C4orf51: variants seen among roughly 807,000 people sequenced by gnomAD.
C4orf51 encodes uncharacterized protein C4orf51.
C4orf51 carries 25 observed loss-of-function variants against 25.2 expected under a neutral mutation model. That is an observed-to-expected ratio of 0.99 (90% CI 0.72 to 1.39). The LOEUF is 1.39. C4orf51 is among the 40% of genes most tolerant of loss of function. The probability of loss-of-function intolerance (pLI) is 0.00; values close to 1 mark genes in which losing one functional copy is unlikely to be tolerated. For missense variants in C4orf51, 252 were observed against 239.6 expected (o/e 1.05, Z -0.34); for synonymous variants, 100 against 84.5 (o/e 1.18, Z -1.01).
chr4:145,755,428 AGAACTAAT>A (rs1252685232), downstream of C4orf51, among the ~76,000 whole-genome samples: 1 of 152,266 alleles, frequency 6.6e-6, no homozygotes, highest in Admixed American at 6.5e-5. Flanking sequence ...CTGAAAACCA[AGAACTAAT>A]GAACTAATAC....
intron 1 of C4orf51, among the ~76,000 whole-genome samples, chr4:145,770,282 G>A (rs1169679187): frequency 6.6e-6 from 1 of 151,544 alleles, no homozygotes; most frequent in Admixed American, 6.6e-5. Flanking sequence ...CTCGGCAACA[G>A]AGTGAGACCC....
Position 145,761,517 on chromosome 4 carries a change from C to T in C4orf51, n.167-9471C>T. 7.8e-7 allele frequency: 1 copy of T among 1,289,732 alleles called. No individual in the cohort carries two copies. The highest frequency in any genetic ancestry group is 1.2e-5 in the South Asian group (1 of 80,998). The allele number at this position is 1,289,732 out of a possible 1,614,324, so 79.9% of individuals were successfully genotyped here. Reference sequence around the variant, plus strand: ...CCTTCACCGTCTGGCAGATCCGGCACTTGTACTCCATCTTGTAGTGGGTCT... The same window carrying T: ...CCTTCACCGTCTGGCAGATCCGGCATTTGTACTCCATCTTGTAGTGGGTCT... On this transcript the variant is annotated intron_variant and non_coding_transcript_variant, in intron 1 of 1. Transcript: ENST00000510096. The surrounding 1 kb of genome is among the most constrained non-coding windows in gnomAD (Gnocchi z 6.8).
chr4:145,750,186 G>GT (rs569347805), intron 1 of C4orf51, among the ~76,000 whole-genome samples: 13 of 151,536 alleles, frequency 8.6e-5, no homozygotes, highest in African/African-American at 1.7e-4. Context: ...ATAATATGCT[G>GT]TTTTTTTTCT....
downstream of C4orf51, among the ~76,000 whole-genome samples, chr4:145,755,723 G>A (rs1053048181): frequency 7.2e-5 from 11 of 152,194 alleles, no homozygotes; most frequent in African/African-American, 2.4e-4. Flanking sequence ...ACAGGCATTT[G>A]CCTGCTTAGT....
chr4:145,760,708 T>A, intron 1 of C4orf51: 3 of 1,034,868 alleles, frequency 2.9e-6, no homozygotes, highest in Non-Finnish European at 3.5e-6. Flanking sequence ...GGGGTTGTGT[T>A]TAAGTTTTGT....
chr4:145,688,873 ACT>A (rs1176095799), intron 1 of C4orf51, among the ~76,000 whole-genome samples: 4 of 144,854 alleles, frequency 2.8e-5, no homozygotes, highest in African/African-American at 1.0e-4. Context: ...TAGCTGAGAC[ACT>A]CTCAAAATAA....
intron 5 of C4orf51, 22 bp from the exon 6 acceptor site, chr4:145,732,431 C>T (rs1732526346): frequency 1.9e-6 from 3 of 1,541,386 alleles, no homozygotes; most frequent in Non-Finnish European, 2.7e-6. Flanking sequence ...CGAGTGTTGA[C>T]AACCAGGCCA....
At chr4:145,695,695 T>C (rs527603342) in intron 1 of C4orf51, among the ~76,000 whole-genome samples, 61 of 152,312 alleles carry the variant, frequency 4.0e-4, no homozygotes, top group African/African-American at 1.4e-3. Context: ...CATTCCACCA[T>C]AGAGACACAT....
intron 1 of C4orf51, among the ~76,000 whole-genome samples, chr4:145,689,284 T>C (rs1729376195): frequency 6.6e-6 from 1 of 152,118 alleles, no homozygotes; most frequent in Non-Finnish European, 1.5e-5. Context: ...TGAGTTACCT[T>C]AAAATTAAGT....
the C4orf51 span, among the ~76,000 whole-genome samples, chr4:145,780,427 C>T: frequency 6.6e-6 from 1 of 152,168 alleles, no homozygotes; most frequent in African/African-American, 2.4e-5. Flanking sequence ...CAAGAATGAA[C>T]CAGAATTTCC....
chr4:145,716,467 A>G (rs1027946017), intron 2 of C4orf51, among the ~76,000 whole-genome samples: 2 of 152,254 alleles, frequency 1.3e-5, no homozygotes, highest in Non-Finnish European at 2.9e-5. Context: ...CAACAACTGC[A>G]CACTATGGAA....
chr4:145,680,194 G>C lies in C4orf51; in HGVS notation c.-10G>C. 1 of 1,590,742 alleles carries C rather than the reference G, an allele frequency of 6.3e-7. No individual in the cohort carries two copies. Among genetic ancestry groups the C allele is most frequent in the African/African-American group, 1.3e-5 (1 of 74,480 alleles). On this transcript the variant is annotated 5_prime_UTR_variant, in exon 1 of 6. Coordinates refer to ENST00000438731, the MANE Select transcript of C4orf51 (RefSeq NM_001080531.3). ...TGACAAGTTGTTTTCCAGAGAGGCCGTTCGTAGTTATGTCACACTACTTCT... is the reference window on the plus strand; with the variant it reads ...TGACAAGTTGTTTTCCAGAGAGGCCCTTCGTAGTTATGTCACACTACTTCT...
intron 2 of C4orf51, among the ~76,000 whole-genome samples, chr4:145,700,772 C>T (rs1376537589): frequency 6.6e-6 from 1 of 152,072 alleles, no homozygotes; most frequent in South Asian, 2.1e-4. Flanking sequence ...TCTACAGACC[C>T]ATCTGACCTC....
intron 4 of C4orf51, among the ~76,000 whole-genome samples, chr4:145,729,588 A>T (rs937778609): frequency 6.6e-6 from 1 of 152,180 alleles, no homozygotes; most frequent in Non-Finnish European, 1.5e-5. Context: ...GGCGTGAGCC[A>T]CCATGCCCGG....
chr4:145,694,069 T>G, intron 1 of C4orf51, among the ~76,000 whole-genome samples: 1 of 118,408 alleles, frequency 8.4e-6, no homozygotes, highest in Non-Finnish European at 1.8e-5. Context: ...CCAGACGGGG[T>G]CTCGGCCGGG....
At position 145,696,408 on chromosome 4, in the gene C4orf51, T is replaced by C. The variant is rs1730055459; in HGVS notation, c.234-151T>C. 7.5e-6 allele frequency: 5 copies of C among 668,818 alleles called. No homozygotes were observed. The East Asian group carries it at 1.4e-4, about 18-fold the overall frequency. The allele number at this position is 668,818 out of a possible 1,614,324, so 41.4% of individuals were successfully genotyped here. A position where few individuals can be genotyped will look rare whatever the true frequency, so the allele number is the denominator to read the frequency against. On this transcript the variant is annotated intron_variant, in intron 1 of 5. Coordinates refer to ENST00000438731, the MANE Select transcript of C4orf51 (RefSeq NM_001080531.3). ...GTACAACAAACCCCCGTTACACGAGTTTATCTAAATAACAAACCTTCACAT... is the reference window on the plus strand; with the variant it reads ...GTACAACAAACCCCCGTTACACGAGCTTATCTAAATAACAAACCTTCACAT...
rs1031767307 is a variant in C4orf51, at chr4:145,761,858, G to C, written n.167-9130G>C. Among the ~76,000 whole-genome samples the C allele has an allele frequency of 6.6e-6, 1 of 152,224 alleles. No individual in the cohort carries two copies. The highest frequency in any genetic ancestry group is 1.5e-5 in the Non-Finnish European group (1 of 68,046). On this transcript the variant is annotated intron_variant and non_coding_transcript_variant, in intron 1 of 1. Coordinates refer to the C4orf51 transcript ENST00000510096. The surrounding 1 kb of genome is among the most constrained non-coding windows in gnomAD (Gnocchi z 6.8). ...TGGGTCTCTTGGCCGATACAGGCAA[G>C]GCCAGCCCTCACCAAGGGGAGCAGA...
intron 2 of C4orf51, among the ~76,000 whole-genome samples, chr4:145,702,698 G>A (rs943268484): frequency 5.3e-5 from 8 of 152,224 alleles, no homozygotes; most frequent in Middle Eastern, 3.4e-3. Context: ...AATCTCCTTA[G>A]GCACTCTCTA....
intron 1 of C4orf51, among the ~76,000 whole-genome samples, chr4:145,692,841 C>T (rs899754736): frequency 6.6e-6 from 1 of 151,772 alleles, no homozygotes; most frequent in Non-Finnish European, 1.5e-5. Flanking sequence ...CCAGTCCCTG[C>T]TTGCTTAGAG....
Sources: gnomAD v4.1 joint callset for allele counts (sites outside exome capture counted in the v4.1 genomes callset) on GRCh38, gnomAD v4.1.1 for gene constraint, Gnocchi (gnomAD v3.1) non-coding constraint, MANE v1.5 for transcripts, NCBI Gene and HGNC (gene_info 2026-07-23, HGNC 2026-07-21) for gene names.